Variants in NEK11 observed in about 807,000 individuals in gnomAD.
The protein encoded by NEK11 is NIMA related kinase 11.
A neutral mutation model predicts 80.7 loss-of-function variants in NEK11; 72 were observed. The observed-to-expected ratio is 0.89, with a 90% CI of 0.74 to 1.08. The LOEUF (loss-of-function observed/expected upper bound fraction) is 1.08. NEK11 is among the 50% of genes least tolerant of loss of function. The pLI, the probability that NEK11 is intolerant of heterozygous loss-of-function variation, is 0.00. For missense variants in NEK11, 764 were observed against 763.6 expected (o/e 1.00, Z -0.01); for synonymous variants, 251 against 260.7 (o/e 0.96, Z 0.36).
intron 16 of NEK11, among the ~76,000 whole-genome samples, chr3:131,263,423 T>A (rs544527390): frequency 6.6e-6 from 1 of 152,356 alleles, no homozygotes; most frequent in Non-Finnish European, 1.5e-5. Context: ...TCCATTGGTC[T>A]ATATATCTGT....
chr3:131,316,851 G>C (rs542605620), intron 17 of NEK11, among the ~76,000 whole-genome samples: 44 of 152,100 alleles, frequency 2.9e-4, no homozygotes, highest in Non-Finnish European at 3.8e-4. Flanking sequence ...TGATGGTAAA[G>C]AAACTATTAC....
At chr3:131,208,709 T>A (rs1205462123) in intron 14 of NEK11, among the ~76,000 whole-genome samples, 1 of 152,192 alleles carries the variant, frequency 6.6e-6, no homozygotes, top group Non-Finnish European at 1.5e-5. Flanking sequence ...CCTAGGTATT[T>A]TATTCTCTTT....
chr3:131,208,742 C>T (rs1026827017), intron 14 of NEK11, among the ~76,000 whole-genome samples: 2 of 152,144 alleles, frequency 1.3e-5, no homozygotes, highest in Non-Finnish European at 2.9e-5. Flanking sequence ...AATGGGAGTT[C>T]ACTCATGATT....
intron 17 of NEK11, among the ~76,000 whole-genome samples, chr3:131,301,665 G>A (rs1008282127): frequency 6.6e-6 from 1 of 152,050 alleles, no homozygotes; most frequent in Non-Finnish European, 1.5e-5. Flanking sequence ...TTCTGTTTCT[G>A]TGGTGAATCA....
At chr3:131,181,665 G>A (rs2093354899) in intron 14 of NEK11, among the ~76,000 whole-genome samples, 1 of 137,850 alleles carries the variant, frequency 7.3e-6, no homozygotes, top group African/African-American at 2.7e-5. Context: ...AGAATGGCGT[G>A]AACTCAGGAG....
At chr3:131,149,362 G>A (rs942521731) in intron 7 of NEK11, among the ~76,000 whole-genome samples, 2 of 151,912 alleles carry the variant, frequency 1.3e-5, no homozygotes, top group African/African-American at 4.8e-5. Context: ...TCTTTATCCA[G>A]TCTACCGTTG....
Position 131,292,418 on chromosome 3 carries a change from A to G in NEK11, c.1718+18844A>G, listed in dbSNP as rs540259356. 2.0e-5 allele frequency among the ~76,000 whole-genome samples: 3 copies of G among 152,170 alleles called. No individual in the cohort carries two copies. The South Asian group carries it at 6.2e-4, about 32-fold the overall frequency. Reference sequence around the variant, plus strand: ...AAACCTTTTTTACCTCTCCATATAAACTTTGGAATCTGTTTGTCAACATCC... The same window carrying G: ...AAACCTTTTTTACCTCTCCATATAAGCTTTGGAATCTGTTTGTCAACATCC... On this transcript the variant is annotated intron_variant, in intron 17 of 17. Coordinates refer to ENST00000383366, the MANE Select transcript of NEK11 (RefSeq NM_024800.5).
At chr3:131,114,319 A>AGTTCGCT (rs11282972) in intron 5 of NEK11, among the ~76,000 whole-genome samples, 1 of 151,854 alleles carries the variant, frequency 6.6e-6, no homozygotes, top group African/African-American at 2.4e-5. Flanking sequence ...GACTATTCAC[A>AGTTCGCT]GAAAGCTACT....
At chr3:131,234,286 G>A (rs1295306944) in intron 15 of NEK11, among the ~76,000 whole-genome samples, 1 of 152,168 alleles carries the variant, frequency 6.6e-6, no homozygotes, top group Admixed American at 6.5e-5. Context: ...TTTAAGATAA[G>A]TTGCCAGAAC....
At chr3:131,294,082 G>T (rs566727125) in intron 17 of NEK11, among the ~76,000 whole-genome samples, 2 of 151,564 alleles carry the variant, frequency 1.3e-5, no homozygotes, top group African/African-American at 2.4e-5. Flanking sequence ...ATTGATTTCC[G>T]CTCTAATTCT....
rs148969829 is a variant in NEK11 at position 131,110,536 on chromosome 3, A to G, written c.455+615A>G. On this transcript the variant is annotated intron_variant, in intron 5 of 17. Coordinates refer to ENST00000383366, the MANE Select transcript of NEK11 (RefSeq NM_024800.5). ...ATTTTAAAACTTTTAATGAATTTTT[A>G]TAGGTCAAAAGTAAGAAGTTTTAGA... Among the ~76,000 whole-genome samples, 31 of 152,310 alleles carry G rather than the reference A, an allele frequency of 2.0e-4. 1 individual carries two copies. Among genetic ancestry groups the G allele is most frequent in the Admixed American group, 3.9e-4 (6 of 15,280 alleles).
At chr3:131,242,181 AC>A (rs1399552684) in intron 15 of NEK11, among the ~76,000 whole-genome samples, 3 of 152,162 alleles carry the variant, frequency 2.0e-5, no homozygotes, top group Admixed American at 1.3e-4. Flanking sequence ...ATTTGACTAA[AC>A]TTGAATCTGT....
intron 3 of NEK11, among the ~76,000 whole-genome samples, chr3:131,060,156 CCT>C (rs1200069081): frequency 1.2e-4 from 19 of 152,192 alleles, no homozygotes; most frequent in Non-Finnish European, 2.4e-4. Context: ...TAAAGTGTCC[CCT>C]GTTAAAAGAC....
intron 16 of NEK11, among the ~76,000 whole-genome samples, chr3:131,251,200 CA>C (rs770059749): frequency 0.056 from 5,086 of 90,822 alleles, 200 homozygotes; most frequent in African/African-American, 0.13. Context: ...AAGGTAAATA[CA>C]AAAAAAAAAA....
intron 3 of NEK11, among the ~76,000 whole-genome samples, chr3:131,053,018 C>A (rs2068704480): frequency 1.3e-5 from 2 of 152,030 alleles, no homozygotes; most frequent in African/African-American, 4.8e-5. Flanking sequence ...TTTCCCGCCC[C>A]CCGGGACACT....
chr3:131,147,566 G>A (rs959364073), intron 7 of NEK11, among the ~76,000 whole-genome samples: 6 of 151,934 alleles, frequency 3.9e-5, no homozygotes, highest in Admixed American at 1.3e-4. Flanking sequence ...GGCTATTCAG[G>A]TTCCTTTGTA....
chr3:131,215,205 T>C (rs1165047514), intron 14 of NEK11, among the ~76,000 whole-genome samples: 5 of 140,824 alleles, frequency 3.6e-5, no homozygotes, highest in Non-Finnish European at 4.5e-5. Context: ...TTCTCACTCA[T>C]AGGTGGGAAT....
chr3:131,046,263 A>C (rs1309047912), intron 3 of NEK11, among the ~76,000 whole-genome samples: 1 of 152,182 alleles, frequency 6.6e-6, no homozygotes, highest in Non-Finnish European at 1.5e-5. Flanking sequence ...TTTTCAAGAT[A>C]TAGAACTCCT....
At chr3:131,168,972 G>A (rs755266845) in intron 13 of NEK11, 35 bp downstream of exon 13, 2 of 1,539,776 alleles carry the variant, frequency 1.3e-6, no homozygotes, top group Non-Finnish European at 1.8e-6. Flanking sequence ...ACAAAAGTGA[G>A]GCAGGTTTAA....
Sources: allele counts gnomAD v4.1 joint callset (sites outside exome capture counted in the v4.1 genomes callset), GRCh38; gene constraint gnomAD v4.1.1; transcripts MANE v1.5; gene names NCBI Gene and HGNC (gene_info 2026-07-23, HGNC 2026-07-21).